The following CALN1 variants were observed in gnomAD, a reference collection of about 807,000 sequenced individuals.
CALN1 encodes the protein calcium-binding protein 8.
Under a neutral mutation model 30.6 loss-of-function variants are expected in CALN1, and 17 were observed. That is an observed-to-expected ratio of 0.56 (90% CI 0.38 to 0.83). The LOEUF is 0.83. CALN1 is among the 40% of genes least tolerant of loss of function. The pLI is 0.00. For synonymous variants in CALN1, 156 were observed against 131.4 expected, an observed-to-expected ratio of 1.19 and a Z score of -1.28; for missense variants, 291 against 354.9, an observed-to-expected ratio of 0.82 and a Z score of 1.45.
At chr7:72,086,100 C>T (rs1180120732) in intron 4 of CALN1, among the ~76,000 whole-genome samples, 1 of 152,126 alleles carries the variant, frequency 6.6e-6, no homozygotes, top group African/African-American at 2.4e-5. Context: ...GGCAAGTATA[C>T]ATTTATGTTA....
At chr7:71,926,128 CTAACTCCCCACATGCTCGGG>C (rs1024613975) in intron 5 of CALN1, among the ~76,000 whole-genome samples, 7 of 152,278 alleles carry the variant, frequency 4.6e-5, no homozygotes, top group Non-Finnish European at 8.8e-5. Context: ...AACACAGAAG[CTAACTCCCCACATGCTCGGG>C]CTCCCTAAGC....
intron 3 of CALN1, among the ~76,000 whole-genome samples, chr7:72,162,053 A>G (rs1220586078): frequency 6.6e-6 from 1 of 151,488 alleles, no homozygotes; most frequent in Non-Finnish European, 1.5e-5. Context: ...AGTTCCTTCT[A>G]GAAGTTTTCA....
At chr7:72,054,536 T>TAC (rs1164512446) in intron 4 of CALN1, among the ~76,000 whole-genome samples, 1 of 123,882 alleles carries the variant, frequency 8.1e-6, no homozygotes, top group African/African-American at 3.3e-5. Flanking sequence ...TACATACATA[T>TAC]ATATATACAT....
intron 5 of CALN1, among the ~76,000 whole-genome samples, chr7:71,865,154 G>A (rs1162801695): frequency 6.6e-6 from 1 of 152,180 alleles, no homozygotes; most frequent in Non-Finnish European, 1.5e-5. Flanking sequence ...AATTCTCACG[G>A]TGAACTGTAA....
intron 2 of CALN1, among the ~76,000 whole-genome samples, chr7:72,364,621 G>A (rs1257989716): frequency 2.6e-5 from 4 of 152,032 alleles, no homozygotes; most frequent in African/African-American, 7.2e-5. Flanking sequence ...TTCTCAGTAC[G>A]GAAACAGACA....
At chr7:72,173,803 A>G (rs1789148014) in intron 3 of CALN1, among the ~76,000 whole-genome samples, 1 of 152,190 alleles carries the variant, frequency 6.6e-6, no homozygotes, top group South Asian at 2.1e-4. Context: ...AATTGATAAT[A>G]GATCTAAATA....
At chr7:72,113,912 A>G (rs992126598) in intron 3 of CALN1, among the ~76,000 whole-genome samples, 4 of 152,162 alleles carry the variant, frequency 2.6e-5, no homozygotes, top group African/African-American at 9.6e-5. Context: ...CTGGAATGAC[A>G]AGAGATAAGA....
intron 5 of CALN1, among the ~76,000 whole-genome samples, chr7:71,884,617 G>A (rs917673142): frequency 2.6e-5 from 4 of 151,820 alleles, no homozygotes; most frequent in South Asian, 2.1e-4. Flanking sequence ...TAAATCTTGC[G>A]CAAATTCCCA....
At chr7:71,997,233 TA>T (rs557353720) in intron 5 of CALN1, among the ~76,000 whole-genome samples, 167 of 133,196 alleles carry the variant, frequency 1.3e-3, no homozygotes, top group Admixed American at 1.5e-3. Flanking sequence ...ATCCTGTCTC[TA>T]AAAAAAAAAA....
At chr7:72,076,611 CAAAA>C (rs572245834) in intron 4 of CALN1, among the ~76,000 whole-genome samples, 2 of 6,126 alleles carry the variant, frequency 3.3e-4, no homozygotes, top group African/African-American at 5.0e-4. Flanking sequence ...AAAAAAAAAG[CAAAA>C]AAAAAAAAAA....
At chr7:72,333,314 CATCT>C (rs1377801609) in intron 2 of CALN1, among the ~76,000 whole-genome samples, 1 of 152,222 alleles carries the variant, frequency 6.6e-6, no homozygotes, top group Non-Finnish European at 1.5e-5. Context: ...GTGTCAACTT[CATCT>C]ATCTATCCAT....
chr7:72,419,135 G>A (rs1265504851), intron 1 of CALN1, among the ~76,000 whole-genome samples: 2 of 152,164 alleles, frequency 1.3e-5, no homozygotes, highest in Non-Finnish European at 2.9e-5. Context: ...AAGTTGAGCT[G>A]GACAACACAC....
chr7:72,166,387 ACG>A (rs1338043922), intron 3 of CALN1, among the ~76,000 whole-genome samples: 1 of 152,080 alleles, frequency 6.6e-6, no homozygotes, highest in Non-Finnish European at 1.5e-5. Context: ...GTGTCTTGCA[ACG>A]GTGTTGCCCA....
chr7:72,451,499 C>G (rs1032758026), upstream of CALN1, among the ~76,000 whole-genome samples: 2 of 152,068 alleles, frequency 1.3e-5, no homozygotes, highest in Non-Finnish European at 2.9e-5. Context: ...GAACTCAACT[C>G]TCCTGGGGCC....
intron 3 of CALN1, among the ~76,000 whole-genome samples, chr7:72,180,001 G>A (rs151126245): frequency 3.9e-5 from 6 of 152,042 alleles, no homozygotes; most frequent in South Asian, 4.2e-4. Flanking sequence ...TGATCCGTCC[G>A]CATCAGGATA....
the CALN1 span, among the ~76,000 whole-genome samples, chr7:72,478,392 A>AAT: frequency 3.3e-4 from 48 of 144,832 alleles, no homozygotes; most frequent in African/African-American, 1.2e-3. Flanking sequence ...ATTATATAGA[A>AAT]ATATATATAT....
intron 6 of CALN1, among the ~76,000 whole-genome samples, chr7:71,798,049 AAGAG>A (rs967391489): frequency 2.1e-5 from 3 of 142,568 alleles, no homozygotes; most frequent in Admixed American, 7.1e-5. Flanking sequence ...GAGAGCAGGC[AAGAG>A]AGAGAGACAG....
the CALN1 span, among the ~76,000 whole-genome samples, chr7:72,455,851 G>A: frequency 6.6e-6 from 1 of 152,148 alleles, no homozygotes; most frequent in African/African-American, 2.4e-5. Context: ...ATATTCATGA[G>A]GCTGTGAACT....
At chr7:72,424,811 G>T (rs746089408) in intron 1 of CALN1, among the ~76,000 whole-genome samples, 5 of 151,998 alleles carry the variant, frequency 3.3e-5, no homozygotes, top group Non-Finnish European at 5.9e-5. Context: ...TGACCAGACT[G>T]GTCTTAAGCC....
Sources: allele counts gnomAD v4.1 joint callset (sites outside exome capture counted in the v4.1 genomes callset), GRCh38; gene constraint gnomAD v4.1.1; transcripts MANE v1.5; gene names NCBI Gene and HGNC (gene_info 2026-07-23, HGNC 2026-07-21).